PDE4D: variants seen among roughly 807,000 people sequenced by gnomAD.
The protein encoded by PDE4D is 3',5'-cyclic-AMP phosphodiesterase 4D.
In PDE4D, 24 loss-of-function variants were observed where a neutral mutation model predicts 87.4. That is an observed-to-expected ratio of 0.27 (90% CI 0.20 to 0.39). The LOEUF (loss-of-function observed/expected upper bound fraction) is 0.39. Among genes scored for constraint, PDE4D ranks in the 10% least tolerant of loss-of-function variants. The probability of loss-of-function intolerance (pLI) is 1.00; values close to 1 mark genes in which losing one functional copy is unlikely to be tolerated. For synonymous variants in PDE4D, 384 were observed against 383.2 expected (o/e 1.00, Z -0.02); for missense variants, 714 against 1,041.0 (o/e 0.69, Z 4.32).
At chr5:59,104,435 T>C (rs909702830) in intron 5 of PDE4D, among the ~76,000 whole-genome samples, 2 of 152,240 alleles carry the variant, frequency 1.3e-5, no homozygotes, top group African/African-American at 2.4e-5. Flanking sequence ...CAAACTAACA[T>C]GATTATACGA....
intron 1 of PDE4D, among the ~76,000 whole-genome samples, chr5:59,825,239 T>C (rs1214040998): frequency 6.6e-6 from 1 of 152,162 alleles, no homozygotes; most frequent in Admixed American, 6.5e-5. Flanking sequence ...AAAAATATCT[T>C]TATTGTTGAA....
intron 2 of PDE4D, among the ~76,000 whole-genome samples, chr5:60,092,340 TAC>T (rs1775225171): frequency 6.6e-6 from 1 of 151,946 alleles, no homozygotes; most frequent in Non-Finnish European, 1.5e-5. Context: ...TGTAAAAAAA[TAC>T]AGTTAGATAG....
chr5:60,331,257 C>A (rs1583443496), intron 1 of PDE4D, among the ~76,000 whole-genome samples: 1 of 152,308 alleles, frequency 6.6e-6, no homozygotes, highest in Middle Eastern at 3.4e-3. Context: ...TGTTACTTAA[C>A]TCCCCTGAGC....
chr5:59,129,014 C>A (rs1030505157), intron 5 of PDE4D, among the ~76,000 whole-genome samples: 2 of 152,206 alleles, frequency 1.3e-5, no homozygotes, highest in African/African-American at 4.8e-5. Flanking sequence ...TTTCCTACTA[C>A]AACACATAGC....
In PDE4D at chr5:60,470,793, G is replaced by T. The variant is rs563985931; in HGVS notation, c.-90+17149C>A. Among the ~76,000 whole-genome samples the T allele has an allele frequency of 2.0e-4, 30 of 151,916 alleles. No homozygotes were observed. In the East Asian group the frequency reaches 5.0e-3, roughly 25 times the overall value. On this transcript the variant is annotated intron_variant, in intron 1 of 16. Coordinates refer to the PDE4D transcript ENST00000502484. Reference sequence around the variant, plus strand: ...GAGATCTACTGCTCCAAAAAAAAAAGATTCCTTTCAAAATATTACTGCTCA... The same window carrying T: ...GAGATCTACTGCTCCAAAAAAAAAATATTCCTTTCAAAATATTACTGCTCA...
chr5:59,791,539 C>T (rs1765790886), intron 1 of PDE4D, among the ~76,000 whole-genome samples: 1 of 152,164 alleles, frequency 6.6e-6, no homozygotes, highest in Non-Finnish European at 1.5e-5. Flanking sequence ...CTCGTATTGA[C>T]AGAATTATCC....
At chr5:59,263,894 T>C (rs1329972419) in intron 1 of PDE4D, among the ~76,000 whole-genome samples, 3 of 151,970 alleles carry the variant, frequency 2.0e-5, no homozygotes, top group Non-Finnish European at 4.4e-5. Flanking sequence ...ATCTGGGTGG[T>C]GATTACAGGG....
At chr5:59,348,243 T>G (rs185848088) in intron 1 of PDE4D, among the ~76,000 whole-genome samples, 1 of 152,314 alleles carries the variant, frequency 6.6e-6, no homozygotes, top group Admixed American at 6.5e-5. Flanking sequence ...AACTTCTGAA[T>G]GATTTGGCTA....
At chr5:59,397,356 A>G (rs1038876140) in intron 1 of PDE4D, among the ~76,000 whole-genome samples, 1 of 122,472 alleles carries the variant, frequency 8.2e-6, no homozygotes, top group Non-Finnish European at 1.7e-5. Context: ...CAAATGTAAA[A>G]GAACAGAAAT....
chr5:59,687,057 C>T (rs1158744451), intron 1 of PDE4D, among the ~76,000 whole-genome samples: 1 of 152,106 alleles, frequency 6.6e-6, no homozygotes, highest in Non-Finnish European at 1.5e-5. Context: ...AAACATGAGA[C>T]TGGCTATTTG....
intron 1 of PDE4D, among the ~76,000 whole-genome samples, chr5:60,500,737 C>T (rs959741523): frequency 4.6e-5 from 7 of 152,178 alleles, no homozygotes; most frequent in Admixed American, 4.6e-4. Flanking sequence ...TCAGCTTTCT[C>T]AGCTGTAAAC....
At chr5:59,782,139 T>C (rs1764698923) in intron 1 of PDE4D, among the ~76,000 whole-genome samples, 1 of 152,212 alleles carries the variant, frequency 6.6e-6, no homozygotes, top group African/African-American at 2.4e-5. Context: ...CATTTAAAAA[T>C]AGGTTCCTGT....
intron 1 of PDE4D, among the ~76,000 whole-genome samples, chr5:59,301,109 A>G (rs1180904388): frequency 6.6e-6 from 1 of 151,978 alleles, no homozygotes; most frequent in Non-Finnish European, 1.5e-5. Context: ...TCCTTCTGGG[A>G]TTTTATGGAG....
At chr5:59,051,327 T>G (rs191971556) in intron 5 of PDE4D, among the ~76,000 whole-genome samples, 19 of 152,274 alleles carry the variant, frequency 1.2e-4, no homozygotes, top group Middle Eastern at 3.4e-3. Flanking sequence ...GCCACTGCAC[T>G]CCAGCCTGGG....
intron 5 of PDE4D, among the ~76,000 whole-genome samples, chr5:59,074,569 C>T (rs1765375377): frequency 6.6e-6 from 1 of 152,060 alleles, no homozygotes; most frequent in South Asian, 2.1e-4. Flanking sequence ...ACCAGCCTGG[C>T]CAACATGGTG....
intron 1 of PDE4D, among the ~76,000 whole-genome samples, chr5:59,424,722 TAAGGGAACTATAATTA>T (rs574169505): frequency 7.2e-5 from 11 of 152,102 alleles, no homozygotes; most frequent in Non-Finnish European, 8.8e-5. Flanking sequence ...ATGTGGAGAT[TAAGGGAACTATAATTA>T]AAGATGAGAT....
intron 1 of PDE4D, among the ~76,000 whole-genome samples, chr5:59,555,582 G>C (rs1048888324): frequency 6.6e-6 from 1 of 152,126 alleles, no homozygotes; most frequent in African/African-American, 2.4e-5. Context: ...AGGAAGCACT[G>C]TTTCCTGGCA....
chr5:59,843,661 T>A (rs996937181), intron 1 of PDE4D, among the ~76,000 whole-genome samples: 1 of 152,084 alleles, frequency 6.6e-6, no homozygotes, highest in South Asian at 2.1e-4. Flanking sequence ...AAGCTGCCTA[T>A]GTTTATAACT....
chr5:59,148,641 C>T (rs995972128), intron 5 of PDE4D, among the ~76,000 whole-genome samples: 8 of 152,092 alleles, frequency 5.3e-5, no homozygotes, highest in African/African-American at 1.9e-4. Flanking sequence ...CCTGTCCTGT[C>T]TGGAATAAAT....
Sources: allele counts gnomAD v4.1 joint callset (sites outside exome capture counted in the v4.1 genomes callset), GRCh38; gene constraint gnomAD v4.1.1; transcripts MANE v1.5; gene names NCBI Gene and HGNC (gene_info 2026-07-23, HGNC 2026-07-21).